Variants in POU2F1 observed in about 807,000 individuals in gnomAD.
POU2F1 encodes POU domain, class 2, transcription factor 1.
POU2F1 carries 16 observed loss-of-function variants against 84.9 expected under a neutral mutation model. The ratio of observed to expected loss-of-function variants is 0.19; its 90% CI spans 0.13 to 0.29. The LOEUF is 0.29. POU2F1 is among the 10% of genes least tolerant of loss of function. POU2F1 has a pLI of 1.00. For missense variants in POU2F1, 738 were observed against 942.6 expected (o/e 0.78, Z 2.84); for synonymous variants, 368 against 368.3 (o/e 1.00, Z 0.01).
chr1:167,359,756 A>G (rs954744009), intron 2 of POU2F1, among the ~76,000 whole-genome samples: 1 of 150,390 alleles, frequency 6.6e-6, no homozygotes, highest in African/African-American at 2.4e-5. Context: ...GAAATTGCCA[A>G]ACTGCTTTCC....
intron 7 of POU2F1, among the ~76,000 whole-genome samples, chr1:167,381,879 G>GT (rs1647592232): frequency 1.3e-5 from 2 of 151,440 alleles, no homozygotes; most frequent in Non-Finnish European, 2.9e-5. Context: ...CAAAGTGCTG[G>GT]GATTACACAC....
intron 6 of POU2F1, among the ~76,000 whole-genome samples, chr1:167,375,089 C>T (rs1166875417): frequency 1.3e-5 from 2 of 151,364 alleles, no homozygotes; most frequent in African/African-American, 4.9e-5. Flanking sequence ...TAAATAAAAT[C>T]TTTAATCTCA....
intron 1 of POU2F1, among the ~76,000 whole-genome samples, chr1:167,239,649 T>C (rs1649757413): frequency 1.3e-5 from 2 of 152,320 alleles, no homozygotes; most frequent in African/African-American, 4.8e-5. Context: ...AACAATATAC[T>C]TAAAAAGTGA....
At chr1:167,400,069 C>T (rs1398457348) in intron 12 of POU2F1, among the ~76,000 whole-genome samples, 1 of 147,574 alleles carries the variant, frequency 6.8e-6, no homozygotes, top group Non-Finnish European at 1.5e-5. Flanking sequence ...CTGCAACCTC[C>T]GCCTCCTGGG....
intron 1 of POU2F1, among the ~76,000 whole-genome samples, chr1:167,259,354 A>C (rs1229484520): frequency 3.3e-5 from 5 of 152,248 alleles, no homozygotes; most frequent in Non-Finnish European, 7.3e-5. Flanking sequence ...TGGCATGGAT[A>C]CAGGGAAGGG....
At chr1:167,285,400 C>T (rs562462002) in intron 1 of POU2F1, among the ~76,000 whole-genome samples, 6 of 152,124 alleles carry the variant, frequency 3.9e-5, no homozygotes, top group East Asian at 1.9e-4. Context: ...GTCAGGAGAT[C>T]GAGACCATGG....
At chr1:167,315,931 CA>C (rs1436162252) in intron 1 of POU2F1, among the ~76,000 whole-genome samples, 1 of 152,020 alleles carries the variant, frequency 6.6e-6, no homozygotes, top group Non-Finnish European at 1.5e-5. Context: ...TGTTGGATCT[CA>C]AAGGCATACA....
At chr1:167,337,692 CAA>C (rs1231706759) in intron 2 of POU2F1, among the ~76,000 whole-genome samples, 31 of 97,996 alleles carry the variant, frequency 3.2e-4, no homozygotes, top group Admixed American at 4.2e-4. Flanking sequence ...CCACCCCCTG[CAA>C]AAAAAAAAAA....
At chr1:167,324,039 AAAAG>A (rs755559170) in intron 1 of POU2F1, among the ~76,000 whole-genome samples, 2 of 152,182 alleles carry the variant, frequency 1.3e-5, no homozygotes, top group Non-Finnish European at 2.9e-5. Context: ...AAAGAATAGA[AAAAG>A]AAAGATGATG....
At chr1:167,259,980 G>A (rs1283576946) in intron 1 of POU2F1, among the ~76,000 whole-genome samples, 4 of 151,844 alleles carry the variant, frequency 2.6e-5, no homozygotes, top group East Asian at 3.9e-4. Flanking sequence ...CTGGGTTCAC[G>A]CGATTCTCCT....
At chr1:167,369,007 G>A (rs553451285) in intron 3 of POU2F1, among the ~76,000 whole-genome samples, 1 of 152,082 alleles carries the variant, frequency 6.6e-6, no homozygotes. Context: ...CTTATGTAGT[G>A]CATTGCAGAG....
chr1:167,400,086 C>T (rs979690857), intron 12 of POU2F1, among the ~76,000 whole-genome samples: 14 of 141,462 alleles, frequency 9.9e-5, no homozygotes, highest in African/African-American at 2.6e-4. Context: ...TGGGTTCAAG[C>T]GATTCTCCTG....
intron 13 of POU2F1, among the ~76,000 whole-genome samples, chr1:167,406,501 A>T (rs555465275): frequency 6.6e-6 from 1 of 152,170 alleles, no homozygotes; most frequent in Non-Finnish European, 1.5e-5. Flanking sequence ...TCTGATTAAC[A>T]TCGTCCTGGA....
intron 12 of POU2F1, among the ~76,000 whole-genome samples, chr1:167,400,734 T>C (rs1215973792): frequency 6.6e-6 from 1 of 152,230 alleles, no homozygotes; most frequent in Non-Finnish European, 1.5e-5. Context: ...GATGGGAATA[T>C]TGTTGAGTTT....
intron 2 of POU2F1, among the ~76,000 whole-genome samples, chr1:167,347,178 TTATAAA>T (rs1306569503): frequency 6.6e-6 from 1 of 152,230 alleles, no homozygotes; most frequent in Non-Finnish European, 1.5e-5. Flanking sequence ...TTAAATTTAC[TTATAAA>T]TAGAAATATG....
At chr1:167,327,428 A>G (rs1165905629) in intron 1 of POU2F1, among the ~76,000 whole-genome samples, 1 of 152,226 alleles carries the variant, frequency 6.6e-6, no homozygotes, top group African/African-American at 2.4e-5. Flanking sequence ...TGATTCAGTA[A>G]AACAGAAAAA....
chr1:167,400,197 A>C (rs1160123418), intron 12 of POU2F1, among the ~76,000 whole-genome samples: 1 of 147,198 alleles, frequency 6.8e-6, no homozygotes, highest in Non-Finnish European at 1.5e-5. Flanking sequence ...CATGTTCTCC[A>C]GGCTGGTCTT....
At chr1:167,364,227 A>G (rs932799566) in intron 2 of POU2F1, among the ~76,000 whole-genome samples, 2 of 152,212 alleles carry the variant, frequency 1.3e-5, no homozygotes. Flanking sequence ...TTCTAATATC[A>G]GATCACAGCA....
intron 2 of POU2F1, among the ~76,000 whole-genome samples, chr1:167,356,861 G>T (rs183948463): frequency 3.2e-4 from 48 of 152,276 alleles, no homozygotes; most frequent in Non-Finnish European, 2.8e-4. Context: ...CATGTGTAGT[G>T]CCCTCCTTAC....
Sources: gnomAD v4.1 joint callset for allele counts (sites outside exome capture counted in the v4.1 genomes callset) on GRCh38, gnomAD v4.1.1 for gene constraint, MANE v1.5 for transcripts, NCBI Gene and HGNC (gene_info 2026-07-23, HGNC 2026-07-21) for gene names.